The following HS6ST3 variants were observed in gnomAD, a reference collection of about 807,000 sequenced individuals.
HS6ST3 encodes heparan sulfate 6-O-sulfotransferase 3, also known as heparan-sulfate 6-O-sulfotransferase 3.
HS6ST3 carries 12 observed loss-of-function variants against 36.7 expected under a neutral mutation model. The observed-to-expected ratio is 0.33, with a 90% CI of 0.21 to 0.53. The LOEUF is 0.53. Among genes scored for constraint, HS6ST3 ranks in the 20% least tolerant of loss-of-function variants. HS6ST3 has a pLI of 0.95. For missense variants in HS6ST3, 584 were observed against 640.9 expected (o/e 0.91, Z 0.96); for synonymous variants, 240 against 257.5 (o/e 0.93, Z 0.65).
intron 1 of HS6ST3, among the ~76,000 whole-genome samples, chr13:96,328,672 G>A (rs1298314098): frequency 6.6e-6 from 1 of 152,000 alleles, no homozygotes; most frequent in African/African-American, 2.4e-5. Context: ...CCCGGCTTTG[G>A]TATCAGGATG....
rs1566884951 is a variant in HS6ST3 at position 96,112,613 on chromosome 13, A to ATATG, written c.707+21047_707+21048insGTAT. ...TATATATATATATATATATATATAT[A>ATATG]TATATATATGCCCGGCTGGTGGTGT... On this transcript the variant is annotated intron_variant, in intron 1 of 1. Coordinates refer to ENST00000376705, the MANE Select transcript of HS6ST3 (RefSeq NM_153456.4). 5.0e-3 allele frequency among the ~76,000 whole-genome samples: 551 copies of ATATG among 110,720 alleles called. 11 individuals carry two copies. The highest frequency in any genetic ancestry group is 0.018 in the African/African-American group (535 of 30,408). The allele number at this position is 110,720 out of a possible 152,430, so 72.6% of individuals were successfully genotyped here.
chr13:96,379,243 C>T (rs890886795), intron 1 of HS6ST3, among the ~76,000 whole-genome samples: 6 of 152,104 alleles, frequency 3.9e-5, no homozygotes, highest in Admixed American at 6.6e-5. Flanking sequence ...TTGTGTCCTC[C>T]CAAACTTCAT....
intron 1 of HS6ST3, among the ~76,000 whole-genome samples, chr13:96,705,965 A>G (rs181477266): frequency 3.5e-4 from 54 of 152,252 alleles, no homozygotes; most frequent in Admixed American, 3.0e-3. Context: ...TTTTCCTTTT[A>G]GATATCTAAG....
At chr13:96,707,541 A>T (rs1190644488) in intron 1 of HS6ST3, among the ~76,000 whole-genome samples, 1 of 152,190 alleles carries the variant, frequency 6.6e-6, no homozygotes, top group Non-Finnish European at 1.5e-5. Flanking sequence ...TCTGAATTTT[A>T]AAGCCTACCC....
intron 1 of HS6ST3, among the ~76,000 whole-genome samples, chr13:96,423,838 G>A (rs1341415278): frequency 6.6e-6 from 1 of 152,162 alleles, no homozygotes; most frequent in Non-Finnish European, 1.5e-5. Flanking sequence ...ATGGAAGTAA[G>A]GTCAATTATG....
At chr13:96,466,249 C>A (rs1435602837) in intron 1 of HS6ST3, among the ~76,000 whole-genome samples, 1 of 151,560 alleles carries the variant, frequency 6.6e-6, no homozygotes, top group Non-Finnish European at 1.5e-5. Flanking sequence ...CCACTGCACT[C>A]CAGCCTGGGC....
intron 1 of HS6ST3, among the ~76,000 whole-genome samples, chr13:96,680,081 G>C (rs2138437112): frequency 1.3e-5 from 2 of 152,204 alleles, no homozygotes; most frequent in Middle Eastern, 6.8e-3. Context: ...GACAGGTTTG[G>C]TGCCTGCATG....
chr13:96,489,505 T>C (rs2055934213), intron 1 of HS6ST3, among the ~76,000 whole-genome samples: 1 of 152,112 alleles, frequency 6.6e-6, no homozygotes, highest in Admixed American at 6.6e-5. Flanking sequence ...AGAGTAACTG[T>C]CTCACCTTAG....
intron 1 of HS6ST3, among the ~76,000 whole-genome samples, chr13:96,287,816 C>T (rs1037494837): frequency 6.6e-6 from 1 of 152,062 alleles, no homozygotes; most frequent in South Asian, 2.1e-4. Context: ...TGAAAAAAAT[C>T]ATAGCAACTA....
intron 1 of HS6ST3, among the ~76,000 whole-genome samples, chr13:96,688,234 C>A (rs202094448): frequency 0.98 from 145,913 of 148,766 alleles, 71,593 homozygotes; most frequent in East Asian, 1. Context: ...TAATCATCAT[C>A]ATCATAATAA....
chr13:96,777,865 A>G (rs1877428274), intron 1 of HS6ST3, among the ~76,000 whole-genome samples: 1 of 152,226 alleles, frequency 6.6e-6, no homozygotes, highest in Non-Finnish European at 1.5e-5. Flanking sequence ...CGTATAGCCA[A>G]GACAATCCTA....
At chr13:96,575,131 T>C (rs1158138394) in intron 1 of HS6ST3, among the ~76,000 whole-genome samples, 1 of 152,146 alleles carries the variant, frequency 6.6e-6, no homozygotes, top group Non-Finnish European at 1.5e-5. Flanking sequence ...GCAGATCTCA[T>C]TGCTTGGCAA....
chr13:96,652,003 C>T (rs2056609190), intron 1 of HS6ST3, among the ~76,000 whole-genome samples: 1 of 151,932 alleles, frequency 6.6e-6, no homozygotes, highest in Admixed American at 6.6e-5. Flanking sequence ...GTATTAATAC[C>T]TGATATATAG....
intron 1 of HS6ST3, among the ~76,000 whole-genome samples, chr13:96,758,607 C>T (rs1464762003): frequency 6.6e-6 from 1 of 151,788 alleles, no homozygotes; most frequent in Non-Finnish European, 1.5e-5. Flanking sequence ...ATCTAACTTT[C>T]TTTGTATTTT....
chr13:96,291,827 T>C (rs1461325742), intron 1 of HS6ST3, among the ~76,000 whole-genome samples: 1 of 152,174 alleles, frequency 6.6e-6, no homozygotes, highest in Non-Finnish European at 1.5e-5. Flanking sequence ...TGTAAAATAA[T>C]GATCTGATTC....
intron 1 of HS6ST3, among the ~76,000 whole-genome samples, chr13:96,517,361 C>T (rs2056076664): frequency 6.6e-6 from 1 of 152,138 alleles, no homozygotes. Flanking sequence ...GCATAGGCAA[C>T]AGAGCAAGAC....
chr13:96,722,294 A>T (rs559687440), intron 1 of HS6ST3, among the ~76,000 whole-genome samples: 2 of 152,270 alleles, frequency 1.3e-5, no homozygotes, highest in Non-Finnish European at 2.9e-5. Flanking sequence ...AATACATGTT[A>T]AAAATCCCAG....
chr13:96,769,104 G>C (rs545835513), intron 1 of HS6ST3, among the ~76,000 whole-genome samples: 2 of 151,940 alleles, frequency 1.3e-5, no homozygotes, highest in Admixed American at 6.5e-5. Context: ...ACATGTGCAC[G>C]CACGTGCCCC....
In HS6ST3 at chr13:96,837,913, GC is replaced by G. The variant is rs1015627382; in HGVS notation, c.*4716del. The G allele has an allele frequency of 1.3e-5, 2 of 151,812 alleles. No homozygotes were observed. The highest frequency in any genetic ancestry group is 2.9e-5 in the Non-Finnish European group (2 of 67,984). 9.4% of individuals were successfully genotyped at this position (151,812 alleles called of 1,614,324 possible). A position where few individuals can be genotyped will look rare whatever the true frequency, so the allele number is the denominator to read the frequency against. On this transcript the variant is annotated 3_prime_UTR_variant, in exon 2 of 2. Coordinates refer to ENST00000376705, the MANE Select transcript of HS6ST3 (RefSeq NM_153456.4). ...TCCCCAGGCTCCTGGTACTTTGTCA[GC>G]AACATACTGCTTTCATTCTTAAAGG...
Sources: allele counts gnomAD v4.1 joint callset (sites outside exome capture counted in the v4.1 genomes callset), GRCh38; gene constraint gnomAD v4.1.1; transcripts MANE v1.5; gene names NCBI Gene and HGNC (gene_info 2026-07-23, HGNC 2026-07-21).